PCSK2: variants seen among roughly 807,000 people sequenced by gnomAD.
PCSK2 encodes neuroendocrine convertase 2.
In PCSK2, 14 loss-of-function variants were observed where a neutral mutation model predicts 69.7. The ratio of observed to expected loss-of-function variants is 0.20; its 90% CI spans 0.13 to 0.31. PCSK2 has a LOEUF of 0.31. Ranked by LOEUF, PCSK2 falls within the 10% of genes least tolerant of loss-of-function variation. The pLI, the probability that PCSK2 is intolerant of heterozygous loss-of-function variation, is 1.00. For missense variants in PCSK2, 544 were observed against 842.5 expected (o/e 0.65, Z 4.39); for synonymous variants, 307 against 320.7 (o/e 0.96, Z 0.46).
chr20:17,417,068 C>T lies in PCSK2; in HGVS notation c.620+7729C>T, dbSNP rs953638376. Among the ~76,000 whole-genome samples, 3 of 152,020 alleles carry T rather than the reference C, an allele frequency of 2.0e-5. No homozygotes were observed. In the East Asian group the frequency reaches 5.8e-4, roughly 29 times the overall value. On this transcript the variant is annotated intron_variant, in intron 6 of 11. Transcript: ENST00000262545. ...AGGGGTAGCATTAGGAGAAATACCTCATGTAAATGACAAGTTGGTGGGTGC... is the reference window on the plus strand; with the variant it reads ...AGGGGTAGCATTAGGAGAAATACCTTATGTAAATGACAAGTTGGTGGGTGC...
chr20:17,447,379 G>A (rs1436948042), intron 8 of PCSK2, among the ~76,000 whole-genome samples: 1 of 151,616 alleles, frequency 6.6e-6, no homozygotes, highest in African/African-American at 2.4e-5. Context: ...GAGCAGGAAA[G>A]ACACAAAAAG....
At chr20:17,323,388 C>A (rs188481821) in intron 2 of PCSK2, among the ~76,000 whole-genome samples, 2 of 152,174 alleles carry the variant, frequency 1.3e-5, no homozygotes, top group Non-Finnish European at 2.9e-5. Flanking sequence ...ACCTTGATCT[C>A]GGACTTCCAG....
At chr20:17,372,249 T>C (rs548665309) in intron 5 of PCSK2, among the ~76,000 whole-genome samples, 1 of 152,074 alleles carries the variant, frequency 6.6e-6, no homozygotes, top group Non-Finnish European at 1.5e-5. Flanking sequence ...CGTGGTGGCA[T>C]GTGCCTGTAG....
chr20:17,330,520 G>T (rs1263576909), intron 2 of PCSK2, among the ~76,000 whole-genome samples: 2 of 152,112 alleles, frequency 1.3e-5, no homozygotes, highest in African/African-American at 4.8e-5. Flanking sequence ...CTTGAACCAG[G>T]GAGGCAGATG....
chr20:17,238,173 C>T (rs1322122177), intron 1 of PCSK2, among the ~76,000 whole-genome samples: 1 of 152,038 alleles, frequency 6.6e-6, no homozygotes, highest in African/African-American at 2.4e-5. Context: ...AGTGGAGGTA[C>T]CAAATATAGA....
At chr20:17,323,238 A>G (rs1297048175) in intron 2 of PCSK2, among the ~76,000 whole-genome samples, 1 of 152,204 alleles carries the variant, frequency 6.6e-6, no homozygotes, top group Non-Finnish European at 1.5e-5. Context: ...CATTCAGACC[A>G]TAGCAAATAG....
chr20:17,383,315 G>A (rs1404406157), intron 5 of PCSK2, among the ~76,000 whole-genome samples: 1 of 152,136 alleles, frequency 6.6e-6, no homozygotes, highest in African/African-American at 2.4e-5. Flanking sequence ...TGAAAGAAAA[G>A]CTGCAGGTCA....
At chr20:17,430,638 TCTTTA>T (rs1057073913) in intron 7 of PCSK2, among the ~76,000 whole-genome samples, 51 of 152,340 alleles carry the variant, frequency 3.3e-4, no homozygotes, top group African/African-American at 1.1e-3. Flanking sequence ...GTTTCAGCTC[TCTTTA>T]CTTTGTGCAC....
intron 1 of PCSK2, among the ~76,000 whole-genome samples, chr20:17,259,674 G>A (rs1031698947): frequency 6.6e-6 from 1 of 152,164 alleles, no homozygotes; most frequent in South Asian, 2.1e-4. Context: ...GAGATAGGAA[G>A]GTAGAGGGAA....
At chr20:17,321,620 C>G (rs1340464995) in intron 2 of PCSK2, among the ~76,000 whole-genome samples, 1 of 152,178 alleles carries the variant, frequency 6.6e-6, no homozygotes, top group African/African-American at 2.4e-5. Context: ...CAGGGAGAAA[C>G]AAATTATCCT....
At chr20:17,348,099 G>A (rs2029876526) in intron 2 of PCSK2, among the ~76,000 whole-genome samples, 1 of 133,098 alleles carries the variant, frequency 7.5e-6, no homozygotes, top group Non-Finnish European at 1.6e-5. Context: ...AAGAAAGAAA[G>A]AAAGAAAAGA....
At chr20:17,456,634 T>TAC (rs140308090) in intron 10 of PCSK2, among the ~76,000 whole-genome samples, 186 bp downstream of exon 10, 1 of 152,062 alleles carries the variant, frequency 6.6e-6, no homozygotes, top group Non-Finnish European at 1.5e-5. Flanking sequence ...TGCGTGTGCA[T>TAC]ACACACACAC....
intron 2 of PCSK2, among the ~76,000 whole-genome samples, chr20:17,278,708 C>A (rs966776385): frequency 6.6e-6 from 1 of 152,068 alleles, no homozygotes. Context: ...TACCCTAAAA[C>A]TTAAAGTATA....
chr20:17,358,191 A>G, intron 2 of PCSK2, 136 bp from the exon 3 acceptor site: 1 of 614,522 alleles, frequency 1.6e-6, no homozygotes, highest in South Asian at 2.0e-5. Context: ...GTGAGCATGT[A>G]TATGAGATGA....
At chr20:17,439,544 G>A (rs2032554973) in intron 8 of PCSK2, among the ~76,000 whole-genome samples, 1 of 152,150 alleles carries the variant, frequency 6.6e-6, no homozygotes, top group Non-Finnish European at 1.5e-5. Context: ...GCTAGGCAAT[G>A]TAAAATTTGT....
At chr20:17,256,739 C>T (rs1987190954) in intron 1 of PCSK2, among the ~76,000 whole-genome samples, 2 of 151,964 alleles carry the variant, frequency 1.3e-5, no homozygotes, top group South Asian at 2.1e-4. Flanking sequence ...CCATCATCTA[C>T]ATTAGGTATT....
intron 2 of PCSK2, among the ~76,000 whole-genome samples, chr20:17,343,577 G>A (rs1990568294): frequency 1.3e-5 from 2 of 152,226 alleles, no homozygotes; most frequent in African/African-American, 4.8e-5. Context: ...CCTAGAACTT[G>A]TGAATATGTT....
chr20:17,308,893 T>G lies in PCSK2; in HGVS notation c.282+48549T>G, dbSNP rs1040376316. Among the ~76,000 whole-genome samples, 25 of 152,282 alleles carry G rather than the reference T, an allele frequency of 1.6e-4. No homozygotes were observed. In the East Asian group the frequency reaches 4.1e-3, roughly 25 times the overall value. On this transcript the variant is annotated intron_variant, in intron 2 of 11. Coordinates refer to ENST00000262545, the MANE Select transcript of PCSK2 (RefSeq NM_002594.5). ...GGAGAGCAGAGGCTCCCAGGCTTCT[T>G]GAGGCCTAACCTGAGAACTCACACA...
At chr20:17,316,199 G>T (rs77437298) in intron 2 of PCSK2, among the ~76,000 whole-genome samples, 2,284 of 152,226 alleles carry the variant, frequency 0.015, 54 homozygotes, top group African/African-American at 0.052. Context: ...ATTAACTACC[G>T]ACTCACAGGA....
Sources: allele counts gnomAD v4.1 joint callset (sites outside exome capture counted in the v4.1 genomes callset), GRCh38; gene constraint gnomAD v4.1.1; transcripts MANE v1.5; gene names NCBI Gene and HGNC (gene_info 2026-07-23, HGNC 2026-07-21).